Variants in CACNG7 observed in about 807,000 individuals in gnomAD.
The protein encoded by CACNG7 is voltage-dependent calcium channel gamma-7 subunit.
CACNG7 carries 9 observed loss-of-function variants against 26.3 expected under a neutral mutation model. The ratio of observed to expected loss-of-function variants is 0.34; its 90% CI spans 0.21 to 0.60. CACNG7 has a LOEUF of 0.60. CACNG7 is among the 20% of genes least tolerant of loss of function. The pLI is 0.81. For missense variants in CACNG7, 297 were observed against 380.4 expected (o/e 0.78, Z 1.82); for synonymous variants, 170 against 157.0 (o/e 1.08, Z -0.62).
rs985704572 is a variant in CACNG7 at position 53,927,803 on chromosome 19, A to T, written c.424+12298A>T. Among the ~76,000 whole-genome samples, 5 of 149,276 alleles carry T rather than the reference A, an allele frequency of 3.3e-5. No homozygotes were observed. The Admixed American group carries it at 3.4e-4, about 10-fold the overall frequency. On this transcript the variant is annotated intron_variant, in intron 4 of 5. Transcript: ENST00000391767. ...CAGTGAGCCGAGATCGCACCATTGC[A>T]CTCCAGCTTGGGCAACAAGAGCGAA...
intron 4 of CACNG7, among the ~76,000 whole-genome samples, chr19:53,927,156 G>C (rs1439593488): frequency 6.6e-6 from 1 of 151,998 alleles, no homozygotes; most frequent in South Asian, 2.1e-4. Context: ...CTGACCTCAA[G>C]TGATCCACCC....
intron 4 of CACNG7, among the ~76,000 whole-genome samples, chr19:53,936,148 G>T (rs184010119): frequency 6.6e-6 from 1 of 151,324 alleles, no homozygotes; most frequent in Admixed American, 6.6e-5. Flanking sequence ...TTTTTGAAGA[G>T]TGCAGCCAGT....
At chr19:53,914,273 C>CAAAAAAAAAAA (rs376053657) in intron 2 of CACNG7, among the ~76,000 whole-genome samples, 1 of 107,288 alleles carries the variant, frequency 9.3e-6, no homozygotes, top group African/African-American at 4.5e-5. Flanking sequence ...GACTCCATCT[C>CAAAAAAAAAAA]AAAAAAAAAA....
At chr19:53,941,040 CCA>C (rs1329667285) in intron 4 of CACNG7, among the ~76,000 whole-genome samples, 1 of 145,966 alleles carries the variant, frequency 6.9e-6, no homozygotes, top group African/African-American at 2.6e-5. Flanking sequence ...CCAGCCCAGG[CCA>C]CAGAGTGAGA....
At chr19:53,919,842 G>GTTGCCCCAGGTCTGGTCATTGGTGGAC (rs2068926443) in intron 4 of CACNG7, among the ~76,000 whole-genome samples, 1 of 132,956 alleles carries the variant, frequency 7.5e-6, no homozygotes, top group Non-Finnish European at 1.6e-5. Flanking sequence ...CATTGGTGGA[G>GTTGCCCCAGGTCTGGTCATTGGTGGAC]TTGCCCCAGG....
intron 4 of CACNG7, among the ~76,000 whole-genome samples, chr19:53,921,486 CATTGGTGGAGTTGCCCCAGGTCTGGT>C (rs2068951509): frequency 7.1e-6 from 1 of 140,522 alleles, no homozygotes; most frequent in Non-Finnish European, 1.5e-5. Context: ...CAGGCCTGGT[CATTGGTGGAGTTGCCCCAGGTCTGGT>C]ATTGGTGGAG....
Position 53,921,559 on chromosome 19 carries a change from G to GCTGGTCATTGGTGGAGTTGCCCCAGGT in CACNG7, c.424+6072_424+6098dup, listed in dbSNP as rs1568774464. Among the ~76,000 whole-genome samples, 22 of 118,960 alleles carry GCTGGTCATTGGTGGAGTTGCCCCAGGT rather than the reference G, an allele frequency of 1.8e-4. No homozygotes were observed. In the East Asian group the frequency reaches 3.5e-3, roughly 19 times the overall value. The allele number at this position is 118,960 out of a possible 152,430, so 78.0% of individuals were successfully genotyped here. ...CTGGTCATTGGTGGAGTTGCCCCAG[G>GCTGGTCATTGGTGGAGTTGCCCCAGGT]CTGGTCATTGGTGGAGTTGCCCCAG... On this transcript the variant is annotated intron_variant, in intron 4 of 5. Transcript: ENST00000391767.
chr19:53,915,562 G>T (rs1041519022), intron 4 of CACNG7, 57 bp downstream of exon 4: 2 of 1,599,734 alleles, frequency 1.3e-6, no homozygotes, highest in Non-Finnish European at 1.7e-6. Flanking sequence ...GGGACCTGTG[G>T]TTCCTTTTCC....
chr19:53,919,532 C>T (rs946069216), intron 4 of CACNG7, among the ~76,000 whole-genome samples: 1 of 147,058 alleles, frequency 6.8e-6, no homozygotes, highest in Non-Finnish European at 1.5e-5. Context: ...GTGGAGTTGC[C>T]TCAGGTCTGG....
chr19:53,942,056 G>A lies in CACNG7; in HGVS notation c.591G>A (p.Val197=). ...CGCAGGGGGCCGGCGTGATGTCCGT[G>A]TACCTGTTCACCAAGCGCTACGCGG... is the stretch of plus-strand genomic sequence containing the variant. ...LLKEGAGVMS[V]YLFTKRYAEE... The change falls in exon 6 of 6, where the codon GTG becomes GTA. Residue 197 remains valine (V), a synonymous_variant. Transcript: ENST00000391767. The surrounding 1 kb of genome is among the most constrained non-coding windows in gnomAD (Gnocchi z 5.9). 1 of 1,611,296 alleles carries A rather than the reference G, an allele frequency of 6.2e-7. No homozygotes were observed.
intron 4 of CACNG7, among the ~76,000 whole-genome samples, chr19:53,923,872 C>T (rs80224660): frequency 7.9e-5 from 8 of 100,942 alleles, no homozygotes; most frequent in Non-Finnish European, 9.7e-5. Flanking sequence ...GGTGGAGTTG[C>T]CCCAGGCCTG....
chr19:53,930,663 G>A (rs899160317), intron 4 of CACNG7, among the ~76,000 whole-genome samples: 1 of 151,902 alleles, frequency 6.6e-6, no homozygotes, highest in Non-Finnish European at 1.5e-5. Flanking sequence ...CTGAGCCACC[G>A]CACTGGGCCA....
At chr19:53,933,421 T>A (rs957382274) in intron 4 of CACNG7, among the ~76,000 whole-genome samples, 1 of 150,612 alleles carries the variant, frequency 6.6e-6, no homozygotes, top group African/African-American at 2.4e-5. Flanking sequence ...TGCCTCAGCC[T>A]CCTGAGTAGC....
chr19:53,922,186 TC>T (rs753738364), intron 4 of CACNG7, among the ~76,000 whole-genome samples: 1 of 105,972 alleles, frequency 9.4e-6, no homozygotes, highest in South Asian at 3.6e-4. Flanking sequence ...CCCAGGCTGG[TC>T]ATTGGTGGAG....
At chr19:53,937,489 T>G (rs1411631202) in intron 4 of CACNG7, among the ~76,000 whole-genome samples, 1 of 152,160 alleles carries the variant, frequency 6.6e-6, no homozygotes, top group Non-Finnish European at 1.5e-5. Context: ...GCTCATCATA[T>G]TTTTCATTTG....
intron 4 of CACNG7, among the ~76,000 whole-genome samples, chr19:53,921,475 C>T (rs2068951307): frequency 1.3e-5 from 2 of 151,470 alleles, no homozygotes; most frequent in African/African-American, 2.4e-5. Flanking sequence ...GGAGTTGTCC[C>T]CAGGCCTGGT....
Position 53,912,973 on chromosome 19 carries a change from A to G in CACNG7, c.142A>G (p.Thr48Ala). The change falls in exon 2 of 6, where the codon ACC (threonine) becomes GCC (alanine). Residue 48 changes from threonine to alanine, a missense_variant. Thr to Ala is a moderately conservative substitution (Grantham distance 58). Transcript: ENST00000391767. This position sits in a 1 kb window ranked among gnomAD's most constrained non-coding sequence, Gnocchi z 4.6. The stretch of plus-strand genomic sequence containing the variant: ...CACAGTGCTACCGCAGAACCAGACC[A>G]CCGAGGTCAAGATGGCCCTGCACGC... ...EGTVLPQNQT[T>A]EVKMALHAGL... 2 of 1,613,916 alleles carry G rather than the reference A, an allele frequency of 1.2e-6. No individual in the cohort carries two copies. The highest frequency in any genetic ancestry group is 1.7e-6 in the Non-Finnish European group (2 of 1,179,894).
At chr19:53,937,644 G>C (rs957818834) in intron 4 of CACNG7, among the ~76,000 whole-genome samples, 12 of 148,056 alleles carry the variant, frequency 8.1e-5, no homozygotes, top group African/African-American at 2.8e-4. Context: ...AGGCTGGAGT[G>C]CAGTGGCACG....
rs1299085279 is a variant in CACNG7, at chr19:53,922,738, A to G, written c.424+7233A>G. On this transcript the variant is annotated intron_variant, in intron 4 of 5. Transcript: ENST00000391767. The stretch of plus-strand genomic sequence containing the variant: ...TTGCCCCAGGTCTGGTCATTGGTGG[A>G]GTTGTCCCAGGTCTGGTCATTGGTG... Among the ~76,000 whole-genome samples the G allele has an allele frequency of 2.8e-4, 16 of 57,214 alleles. 2 individuals carry two copies. The highest frequency in any genetic ancestry group is 4.3e-4 in the Non-Finnish European group (15 of 34,758). The allele number at this position is 57,214 out of a possible 152,430, so 37.5% of individuals were successfully genotyped here. A position where few individuals can be genotyped will look rare whatever the true frequency, so the allele number is the denominator to read the frequency against.
Sources: allele counts gnomAD v4.1 joint callset (sites outside exome capture counted in the v4.1 genomes callset), GRCh38; gene constraint gnomAD v4.1.1; non-coding constraint Gnocchi (gnomAD v3.1); transcripts MANE v1.5; gene names NCBI Gene and HGNC (gene_info 2026-07-23, HGNC 2026-07-21).